The following PRKCA variants were observed in gnomAD, a reference collection of about 807,000 sequenced individuals.
PRKCA encodes the protein protein kinase C alpha.
In PRKCA, 27 loss-of-function variants were observed where a neutral mutation model predicts 87.0. The observed-to-expected ratio is 0.31, with a 90% confidence interval of 0.23 to 0.43. The LOEUF is 0.43. Among genes scored for constraint, PRKCA ranks in the 20% least tolerant of loss-of-function variants. The pLI is 1.00. For missense variants in PRKCA, 518 were observed against 852.3 expected (o/e 0.61, Z 4.88); for synonymous variants, 329 against 311.1 (o/e 1.06, Z -0.61).
chr17:66,346,999 C>G (rs1416653812), intron 2 of PRKCA, among the ~76,000 whole-genome samples: 2 of 151,054 alleles, frequency 1.3e-5, no homozygotes, highest in African/African-American at 4.9e-5. Flanking sequence ...CCACTGCACT[C>G]CAGCCTGGGT....
At chr17:66,755,336 CAG>C (rs989521504) in intron 13 of PRKCA, among the ~76,000 whole-genome samples, 2 of 152,142 alleles carry the variant, frequency 1.3e-5, no homozygotes, top group East Asian at 1.9e-4. Context: ...GCACTTTATT[CAG>C]AGTTTTATTT....
intron 2 of PRKCA, among the ~76,000 whole-genome samples, chr17:66,341,392 T>G (rs1169430081): frequency 6.6e-6 from 1 of 152,202 alleles, no homozygotes; most frequent in Admixed American, 6.5e-5. Flanking sequence ...TTTTAAAAAT[T>G]TATCTACTGT....
At chr17:66,687,356 T>G in intron 6 of PRKCA, 89 bp downstream of exon 6, 1 of 1,374,708 alleles carries the variant, frequency 7.3e-7, no homozygotes, top group Non-Finnish European at 1.0e-6. Context: ...AGGTTCATTA[T>G]AAACGTCTTT....
At chr17:66,712,061 A>G (rs572102496) in intron 8 of PRKCA, among the ~76,000 whole-genome samples, 15 of 152,200 alleles carry the variant, frequency 9.9e-5, no homozygotes, top group Middle Eastern at 3.4e-3. Context: ...CCATGATTCA[A>G]TGCAGGGTGT....
At chr17:66,433,186 G>A (rs1402587523) in intron 2 of PRKCA, among the ~76,000 whole-genome samples, 2 of 152,092 alleles carry the variant, frequency 1.3e-5, no homozygotes, top group African/African-American at 4.8e-5. Context: ...GATGCTTTTG[G>A]AAGGCCGTGT....
rs1333182702 is a variant in PRKCA, at chr17:66,562,133, TA to T, written c.288+65853del. 8.7e-5 allele frequency among the ~76,000 whole-genome samples: 3 copies of T among 34,434 alleles called. No individual in the cohort carries two copies. In the South Asian group the frequency reaches 3.6e-3, roughly 42 times the overall value. 22.6% of individuals were successfully genotyped at this position (34,434 alleles called of 152,430 possible). A position where few individuals can be genotyped will look rare whatever the true frequency, so the allele number is the denominator to read the frequency against. ...ATATATATAATTAAATATATATAAT[TA>T]AATTATATATATAATTAAATTATAT... is the stretch of plus-strand genomic sequence containing the variant. On this transcript the variant is annotated intron_variant, in intron 3 of 16. Coordinates refer to ENST00000413366, the MANE Select transcript of PRKCA (RefSeq NM_002737.3).
chr17:66,682,262 C>A (rs970054048), intron 5 of PRKCA, among the ~76,000 whole-genome samples: 1 of 152,190 alleles, frequency 6.6e-6, no homozygotes, highest in Non-Finnish European at 1.5e-5. Flanking sequence ...ACCTTCTAAC[C>A]CAGGCTGGTT....
chr17:66,564,799 G>A (rs1968837685), intron 3 of PRKCA, among the ~76,000 whole-genome samples: 1 of 152,090 alleles, frequency 6.6e-6, no homozygotes, highest in Non-Finnish European at 1.5e-5. Flanking sequence ...GGCCAAGATG[G>A]TGAAACCCCA....
At chr17:66,568,631 G>A (rs1342145660) in intron 3 of PRKCA, among the ~76,000 whole-genome samples, 1 of 151,984 alleles carries the variant, frequency 6.6e-6, no homozygotes, top group South Asian at 2.1e-4. Flanking sequence ...TTAAAAATGG[G>A]GTTTGAGAAG....
intron 13 of PRKCA, among the ~76,000 whole-genome samples, chr17:66,771,749 C>G (rs1424383345): frequency 6.6e-6 from 1 of 152,178 alleles, no homozygotes; most frequent in African/African-American, 2.4e-5. Flanking sequence ...GCAGGCATCA[C>G]CATGCCCAGC....
intron 8 of PRKCA, among the ~76,000 whole-genome samples, chr17:66,701,912 T>A (rs1973073737): frequency 6.6e-6 from 1 of 152,104 alleles, no homozygotes; most frequent in African/African-American, 2.4e-5. Context: ...GGATGTCTCT[T>A]AAATACTTGA....
intron 11 of PRKCA, among the ~76,000 whole-genome samples, chr17:66,739,557 G>A (rs1974110143): frequency 6.6e-6 from 1 of 152,176 alleles, no homozygotes; most frequent in African/African-American, 2.4e-5. Flanking sequence ...GTGCGTTGCT[G>A]TAACTTTAGA....
rs1976018061 is a variant in PRKCA, at chr17:66,805,741, A to G, written c.*1704A>G. ...GGAAGTGTCTGATTCCAGTCTGCCTAGTACGTTGGTACACACGTGGCATTG... is the reference window on the plus strand; with the variant it reads ...GGAAGTGTCTGATTCCAGTCTGCCTGGTACGTTGGTACACACGTGGCATTG... On this transcript the variant is annotated 3_prime_UTR_variant, in exon 17 of 17. Transcript: ENST00000413366. 1 of 151,912 alleles carries G rather than the reference A, an allele frequency of 6.6e-6. No individual in the cohort carries two copies. The highest frequency in any genetic ancestry group is 1.5e-5 in the Non-Finnish European group (1 of 67,972). 9.4% of individuals were successfully genotyped at this position (151,912 alleles called of 1,614,324 possible).
chr17:66,479,154 G>A (rs1043629932), intron 2 of PRKCA, among the ~76,000 whole-genome samples: 1 of 151,886 alleles, frequency 6.6e-6, no homozygotes, highest in Non-Finnish European at 1.5e-5. Context: ...ACATCTATAA[G>A]GAACTTAAAT....
At chr17:66,766,361 G>C (rs1468279328) in intron 13 of PRKCA, among the ~76,000 whole-genome samples, 1 of 123,082 alleles carries the variant, frequency 8.1e-6, no homozygotes, top group Non-Finnish European at 1.7e-5. Context: ...CCACACCCTT[G>C]CCTGTTGATG....
At chr17:66,336,154 T>C (rs902964705) in intron 2 of PRKCA, among the ~76,000 whole-genome samples, 2 of 152,238 alleles carry the variant, frequency 1.3e-5, no homozygotes, top group Middle Eastern at 3.2e-3. Context: ...GAGTGCTTCA[T>C]ATTTGTTGAA....
intron 2 of PRKCA, among the ~76,000 whole-genome samples, chr17:66,462,347 C>T (rs1250773448): frequency 2.6e-5 from 4 of 152,042 alleles, no homozygotes; most frequent in African/African-American, 7.2e-5. Context: ...CCAGTGGGCC[C>T]GCTCATGAAA....
At chr17:66,465,395 A>T (rs1915041043) in intron 2 of PRKCA, among the ~76,000 whole-genome samples, 1 of 151,654 alleles carries the variant, frequency 6.6e-6, no homozygotes, top group Non-Finnish European at 1.5e-5. Context: ...TTATTTTTTA[A>T]TTTTTTTTAA....
chr17:66,372,247 C>T (rs1011693362), intron 2 of PRKCA, among the ~76,000 whole-genome samples: 7 of 152,256 alleles, frequency 4.6e-5, no homozygotes, highest in Admixed American at 2.6e-4. Flanking sequence ...TTTAGTCCAG[C>T]GTCTTGGATG....
Sources: allele counts gnomAD v4.1 joint callset (sites outside exome capture counted in the v4.1 genomes callset), GRCh38; gene constraint gnomAD v4.1.1; transcripts MANE v1.5; gene names NCBI Gene and HGNC (gene_info 2026-07-23, HGNC 2026-07-21).